COL18A1: variants seen among roughly 807,000 people sequenced by gnomAD.
The protein encoded by COL18A1 is collagen alpha-1(XVIII) chain.
COL18A1 carries 133 observed loss-of-function variants against 168.0 expected under a neutral mutation model. The observed-to-expected ratio is 0.79, with a 90% CI of 0.69 to 0.91. The LOEUF (loss-of-function observed/expected upper bound fraction) is 0.91. COL18A1 is among the 40% of genes least tolerant of loss of function. COL18A1 has a pLI of 0.00. For synonymous variants in COL18A1, 949 were observed against 809.0 expected, an observed-to-expected ratio of 1.17 and a Z score of -2.94; for missense variants, 2,126 against 1,925.4, an observed-to-expected ratio of 1.10 and a Z score of -1.95.
Position 45,496,529 on chromosome 21 carries a change from G to GC in COL18A1, c.2543dup (p.Gly849ArgfsTer15). ...TGCCCGGCCCCCCAGGACCTCCAGG[G>GC]CCCCCAGGCCCTCCAGGGACTCCTG... On this transcript the variant is annotated frameshift_variant, in exon 30 of 42. Transcript: ENST00000651438. LOFTEE classifies it high-confidence loss of function. 6.5e-7 allele frequency: 1 copy of GC among 1,530,998 alleles called. No homozygotes were observed. The highest frequency in any genetic ancestry group is 9.0e-7 in the Non-Finnish European group (1 of 1,105,178). 94.8% of individuals were successfully genotyped at this position (1,530,998 alleles called of 1,614,324 possible). A position where few individuals can be genotyped will look rare whatever the true frequency, so the allele number is the denominator to read the frequency against.
intron 2 of COL18A1, among the ~76,000 whole-genome samples, chr21:45,441,547 C>T (rs530413839): frequency 4.0e-4 from 61 of 152,320 alleles, no homozygotes; most frequent in Non-Finnish European, 7.9e-4. Context: ...AGTCCTGCTG[C>T]CCGGTGGCTC....
rs780489714 is a variant in COL18A1 at position 45,505,379 on chromosome 21, C to G, written c.3035C>G (p.Pro1012Arg). 5.0e-6 allele frequency: 8 copies of G among 1,594,338 alleles called. No individual in the cohort carries two copies. Among genetic ancestry groups the G allele is most frequent in the Non-Finnish European group, 6.9e-6 (8 of 1,165,292 alleles). ...GCAGCTATCAGCGTTCCCGGCCCTC[C>G]GGGCCCCCCTGGGCCCCCTGGGCCC... ...HRQTISVPGP[P>R]GPPGPPGPPG... is the part of the protein sequence containing the mutation. Residue 1012 changes from proline to arginine, a missense_variant, in exon 36 of 42, where the codon CCG becomes CGG. Pro to Arg is a moderately radical substitution (Grantham distance 103). Coordinates refer to ENST00000651438, the MANE Select transcript of COL18A1 (RefSeq NM_001379500.1).
At position 45,501,629 on chromosome 21, in the gene COL18A1, C is replaced by A. The variant is rs530731443; in HGVS notation, c.2684-2382C>A. ...CCGCAGGGGCCTTGCCCTGCACAAT[C>A]CCCGGTCTCCCAGGTGGTGGGGCCT... On this transcript the variant is annotated intron_variant, in intron 32 of 41. Coordinates refer to ENST00000651438, the MANE Select transcript of COL18A1 (RefSeq NM_001379500.1). Among the ~76,000 whole-genome samples, 8 of 152,280 alleles carry A rather than the reference C, an allele frequency of 5.3e-5. No individual in the cohort carries two copies. The East Asian group carries it at 1.3e-3, about 26-fold the overall frequency.
intron 37 of COL18A1, 146 bp downstream of exon 37, chr21:45,506,112 A>C: frequency 7.8e-7 from 1 of 1,284,848 alleles, no homozygotes; most frequent in Non-Finnish European, 1.1e-6. Context: ...CTTTTGGTAA[A>C]GTTTAGTAAA....
rs551878785 is a variant in COL18A1, at chr21:45,421,328, G to A, written c.106+15855G>A. ...AGGAGGGCCACGGTCACGCTTGCAC[G>A]GGGCAGAGACTCCCAGAACCACAGG... is the stretch of plus-strand genomic sequence containing the variant. On this transcript the variant is annotated intron_variant, in intron 2 of 41. Coordinates refer to ENST00000651438, the MANE Select transcript of COL18A1 (RefSeq NM_001379500.1). 118 of 486,662 alleles carry A rather than the reference G, an allele frequency of 2.4e-4. 1 individual carries two copies. The highest frequency in any genetic ancestry group is 1.6e-3 in the South Asian group (104 of 65,708). The allele number at this position is 486,662 out of a possible 1,614,324, so 30.1% of individuals were successfully genotyped here.
intron 32 of COL18A1, among the ~76,000 whole-genome samples, chr21:45,503,507 A>C (rs1189853981): frequency 6.6e-6 from 1 of 151,958 alleles, no homozygotes; most frequent in African/African-American, 2.4e-5. Flanking sequence ...GAAATTGGAA[A>C]TCATCATTCT....
Position 45,492,730 on chromosome 21 carries a change from C to T in COL18A1, c.2214+17C>T, listed in dbSNP as rs1364983650. On this transcript the variant is annotated intron_variant, in intron 24 of 41. Transcript: ENST00000651438. ...GGCTTTCCCGTGAGTAACCTGGTGC[C>T]AGAGCTGCATGCTGCCCGGCTGGGG... The T allele has an allele frequency of 3.0e-6, 4 of 1,334,586 alleles. No homozygotes were observed. Among genetic ancestry groups the T allele is most frequent in the Admixed American group, 1.8e-5 (1 of 54,780 alleles). The allele number at this position is 1,334,586 out of a possible 1,614,324, so 82.7% of individuals were successfully genotyped here. A position where few individuals can be genotyped will look rare whatever the true frequency, so the allele number is the denominator to read the frequency against.
intron 17 of COL18A1, among the ~76,000 whole-genome samples, 192 bp from the exon 18 acceptor site, chr21:45,488,226 A>C (rs903974346): frequency 6.6e-5 from 10 of 152,270 alleles, no homozygotes; most frequent in African/African-American, 2.4e-4. Context: ...AACGAATGAG[A>C]AATTTCAATT....
chr21:45,430,402 C>T (rs531743614), intron 2 of COL18A1, among the ~76,000 whole-genome samples: 38 of 152,304 alleles, frequency 2.5e-4, no homozygotes, highest in East Asian at 2.1e-3. Flanking sequence ...TCATAGGCTA[C>T]GACTGACATG....
At chr21:45,444,349 G>A (rs1204528580) in intron 2 of COL18A1, among the ~76,000 whole-genome samples, 2 of 152,122 alleles carry the variant, frequency 1.3e-5, no homozygotes, top group Non-Finnish European at 1.5e-5. Flanking sequence ...TGAGGTGCGT[G>A]CAGGGGTGTA....
chr21:45,495,194 C>G, intron 28 of COL18A1, 164 bp from the exon 29 acceptor site: 1 of 687,776 alleles, frequency 1.5e-6, no homozygotes, highest in Admixed American at 2.1e-5. Context: ...GGTCCTTGTG[C>G]AGGAAAGGGG....
intron 29 of COL18A1, chr21:45,496,110 GCCCTCCAA>G (rs1397791465): frequency 2.6e-6 from 1 of 391,282 alleles, no homozygotes; most frequent in African/African-American, 2.1e-5. Context: ...TGCCCTCCAT[GCCCTCCAA>G]GCCCTCCATG....
At chr21:45,496,648 C>T (rs1269372701) in intron 30 of COL18A1, 80 bp downstream of exon 30, 3 of 794,080 alleles carry the variant, frequency 3.8e-6, no homozygotes, top group South Asian at 1.3e-5. Context: ...GGGCCTTCTT[C>T]TCCCCTGGCC....
chr21:45,481,658 A>G (rs1029278630), intron 13 of COL18A1, among the ~76,000 whole-genome samples: 1 of 152,208 alleles, frequency 6.6e-6, no homozygotes, highest in African/African-American at 2.4e-5. Flanking sequence ...TGCCTAATCC[A>G]TATTCACGCA....
Position 45,498,207 on chromosome 21 carries a change from T to C in COL18A1, c.2683+546T>C, listed in dbSNP as rs2146018073. 1 of 700,530 alleles carries C rather than the reference T, an allele frequency of 1.4e-6. No homozygotes were observed. The highest frequency in any genetic ancestry group is 1.5e-5 in the South Asian group (1 of 67,432). The allele number at this position is 700,530 out of a possible 1,614,324, so 43.4% of individuals were successfully genotyped here. Reference sequence around the variant, plus strand: ...CCACTGAGAACAGCTGGATAAAATGTGAGAAAACCACTGTTTGAGGATGTC... The same window carrying C: ...CCACTGAGAACAGCTGGATAAAATGCGAGAAAACCACTGTTTGAGGATGTC... On this transcript the variant is annotated intron_variant, in intron 32 of 41. Transcript: ENST00000651438. The surrounding 1 kb of genome is among the most constrained non-coding windows in gnomAD (Gnocchi z 4.5).
At chr21:45,504,665 T>A in intron 34 of COL18A1, 109 bp downstream of exon 34, 2 of 962,784 alleles carry the variant, frequency 2.1e-6, no homozygotes, top group Non-Finnish European at 1.6e-6. Context: ...GAGCTGCCCC[T>A]GCAAGCTCAG....
intron 2 of COL18A1, chr21:45,467,556 G>A (rs930017074): frequency 3.2e-5 from 19 of 591,026 alleles, no homozygotes; most frequent in Middle Eastern, 8.2e-4. Flanking sequence ...GACCGACAGC[G>A]CTGGGTGAAA....
Position 45,505,234 on chromosome 21 carries a change from C to G in COL18A1, c.2969C>G (p.Pro990Arg), listed in dbSNP as rs957031729. ...GGGCGCCAGGGCCCTCCCGGCCCCC[C>G]AGGCCCCCCAGGGCCCCCTTCATTT... ...YEGRQGPPGP[P>R]GPPGPPSFPG... Residue 990 changes from proline (P) to arginine (R), a missense_variant, in exon 35 of 42, where the codon CCA becomes CGA. Coordinates refer to ENST00000651438, the MANE Select transcript of COL18A1 (RefSeq NM_001379500.1). 5 of 1,597,622 alleles carry G rather than the reference C, an allele frequency of 3.1e-6. No individual in the cohort carries two copies. In the African/African-American group the frequency reaches 5.4e-5, roughly 17 times the overall value.
intron 41 of COL18A1, 111 bp downstream of exon 41, chr21:45,511,337 G>A (rs914559405): frequency 1.4e-6 from 1 of 698,052 alleles, no homozygotes; most frequent in Non-Finnish European, 2.6e-6. Context: ...TCTTATACAT[G>A]CTCATTACTT....
Sources: gnomAD v4.1 joint callset for allele counts (sites outside exome capture counted in the v4.1 genomes callset) on GRCh38, gnomAD v4.1.1 for gene constraint, Gnocchi (gnomAD v3.1) non-coding constraint, MANE v1.5 for transcripts, NCBI Gene and HGNC (gene_info 2026-07-23, HGNC 2026-07-21) for gene names.